FNBP1: variants seen among roughly 807,000 people sequenced by gnomAD.
FNBP1 encodes formin binding protein 1.
A neutral mutation model predicts 90.6 loss-of-function variants in FNBP1; 26 were observed. The ratio of observed to expected loss-of-function variants is 0.29; its 90% CI spans 0.21 to 0.40. The LOEUF (loss-of-function observed/expected upper bound fraction) is 0.40. Among genes scored for constraint, FNBP1 ranks in the 10% least tolerant of loss-of-function variants. The pLI, the probability that FNBP1 is intolerant of heterozygous loss-of-function variation, is 1.00. For missense variants in FNBP1, 635 were observed against 768.0 expected (o/e 0.83, Z 2.05); for synonymous variants, 260 against 265.2 (o/e 0.98, Z 0.19).
Position 129,890,610 on chromosome 9 carries a change from C to T in FNBP1, c.1847-64G>A, listed in dbSNP as rs1191145032. ...TAGAGAGGAAGGCGCGGGTTCCAGG[C>T]GGGCATTTTGCTCTTGGCTACAAAC... On this transcript the variant is annotated intron_variant, in intron 16 of 16. Coordinates refer to ENST00000446176, the MANE Select transcript of FNBP1 (RefSeq NM_015033.3). The surrounding 1 kb of genome is among the most constrained non-coding windows in gnomAD (Gnocchi z 5.8). 5.8e-6 allele frequency: 7 copies of T among 1,209,142 alleles called. No homozygotes were observed. Among genetic ancestry groups the T allele is most frequent in the Admixed American group, 2.4e-5 (1 of 41,680 alleles). 74.9% of individuals were successfully genotyped at this position (1,209,142 alleles called of 1,614,324 possible). A position where few individuals can be genotyped will look rare whatever the true frequency, so the allele number is the denominator to read the frequency against.
At chr9:129,972,410 C>T (rs1564470281) in intron 4 of FNBP1, among the ~76,000 whole-genome samples, 1 of 151,978 alleles carries the variant, frequency 6.6e-6, no homozygotes, top group Admixed American at 6.6e-5. Context: ...CTGGGATTAC[C>T]ACTTCAAGTG....
At chr9:129,919,191 G>C in intron 10 of FNBP1, 1 of 1,303,524 alleles carries the variant, frequency 7.7e-7, no homozygotes, top group Non-Finnish European at 1.0e-6. Flanking sequence ...GCATACGTGG[G>C]TTTCCCTATC....
At chr9:129,961,997 AGG>A (rs1348473395) in intron 4 of FNBP1, among the ~76,000 whole-genome samples, 3 of 152,312 alleles carry the variant, frequency 2.0e-5, no homozygotes, top group African/African-American at 7.2e-5. Flanking sequence ...ACTGACATGC[AGG>A]GATCTCATGA....
chr9:129,967,408 T>A (rs2048784963), intron 4 of FNBP1, among the ~76,000 whole-genome samples: 1 of 151,942 alleles, frequency 6.6e-6, no homozygotes, highest in Non-Finnish European at 1.5e-5. Flanking sequence ...CCCAGCTACT[T>A]GGGAGGCTGA....
At chr9:130,023,158 C>T (rs1264450752) in intron 1 of FNBP1, among the ~76,000 whole-genome samples, 2 of 151,770 alleles carry the variant, frequency 1.3e-5, no homozygotes, top group African/African-American at 4.8e-5. Context: ...TGATAGCTCT[C>T]TGGAAGAATT....
intron 4 of FNBP1, among the ~76,000 whole-genome samples, chr9:129,968,395 CA>C (rs775896038): frequency 0.31 from 21,787 of 69,220 alleles, 1,377 homozygotes; most frequent in Middle Eastern, 0.39. Context: ...AACTCCGTCT[CA>C]AAAAAAAAAA....
the FNBP1 span, chr9:130,053,872 C>T: frequency 6.6e-7 from 1 of 1,512,890 alleles, no homozygotes; most frequent in Non-Finnish European, 8.9e-7. Context: ...CTTCCGGCGG[C>T]TGCGCCCTTT....
intron 10 of FNBP1, among the ~76,000 whole-genome samples, chr9:129,920,768 C>T (rs2131813570): frequency 6.6e-6 from 1 of 152,158 alleles, no homozygotes; most frequent in East Asian, 1.9e-4. Context: ...AAATGGTAAA[C>T]AATCATGAAT....
At chr9:130,050,814 G>A in the FNBP1 span, among the ~76,000 whole-genome samples, 9 of 37,204 alleles carry the variant, frequency 2.4e-4, no homozygotes, top group East Asian at 0.014. Flanking sequence ...TAATTTTTGT[G>A]TTTTTTTTTT....
chr9:129,970,756 C>T (rs2049326516), intron 4 of FNBP1, among the ~76,000 whole-genome samples: 2 of 152,166 alleles, frequency 1.3e-5, no homozygotes, highest in Non-Finnish European at 2.9e-5. Context: ...CCTCCTTGTC[C>T]AGGGCTTCCA....
At chr9:129,933,801 A>G (rs944293717) in intron 6 of FNBP1, among the ~76,000 whole-genome samples, 1 of 152,172 alleles carries the variant, frequency 6.6e-6, no homozygotes. Flanking sequence ...ATACTGTGAT[A>G]CATCAGATTC....
chr9:129,915,229 T>C (rs2040078575), intron 11 of FNBP1, among the ~76,000 whole-genome samples: 1 of 152,102 alleles, frequency 6.6e-6, no homozygotes, highest in East Asian at 1.9e-4. Flanking sequence ...GCTGGGATCA[T>C]TCCTGCACAG....
chr9:129,953,626 T>C (rs932041135), intron 6 of FNBP1, among the ~76,000 whole-genome samples: 3 of 151,856 alleles, frequency 2.0e-5, no homozygotes, highest in Admixed American at 6.6e-5. Context: ...AGGACAAATA[T>C]CTGGAAATGG....
At chr9:129,945,821 A>G (rs143382684) in intron 6 of FNBP1, among the ~76,000 whole-genome samples, 61 of 152,350 alleles carry the variant, frequency 4.0e-4, no homozygotes, top group Non-Finnish European at 7.9e-4. Flanking sequence ...ATTCCTATCT[A>G]TAACTTTCTT....
intron 7 of FNBP1, 37 bp downstream of exon 7, chr9:129,929,530 C>G: frequency 6.2e-7 from 1 of 1,602,064 alleles, no homozygotes; most frequent in South Asian, 1.1e-5. Context: ...GAAAGCAAAG[C>G]ATAAAACATG....
chr9:129,961,662 G>A (rs2132955033), intron 4 of FNBP1, among the ~76,000 whole-genome samples: 1 of 152,118 alleles, frequency 6.6e-6, no homozygotes, highest in South Asian at 2.1e-4. Context: ...CTGCCTCCCT[G>A]TGACCTCTGC....
In FNBP1 at chr9:129,888,150, C is replaced by T. The variant is rs1360846832; in HGVS notation, c.*2389G>A. On this transcript the variant is annotated 3_prime_UTR_variant, in exon 17 of 17. Coordinates refer to ENST00000446176, the MANE Select transcript of FNBP1 (RefSeq NM_015033.3). ...CGGGGGGATACAAGCATATCCTATA[C>T]TGGGGGTGACGGTCATTCAAAGAGC... The T allele has an allele frequency of 4.3e-6, 1 of 232,846 alleles. No homozygotes were observed. Among genetic ancestry groups the T allele is most frequent in the Admixed American group, 5.6e-5 (1 of 17,778 alleles). The allele number at this position is 232,846 out of a possible 1,614,324, so 14.4% of individuals were successfully genotyped here.
intron 11 of FNBP1, among the ~76,000 whole-genome samples, chr9:129,915,434 G>A (rs1424833961): frequency 1.3e-5 from 2 of 152,042 alleles, no homozygotes; most frequent in Non-Finnish European, 2.9e-5. Flanking sequence ...GTATAATCTC[G>A]GCTCACTGCA....
chr9:129,900,365 GA>G lies in FNBP1; in HGVS notation c.1550+60del, dbSNP rs1327820597. 1 of 1,444,842 alleles carries G rather than the reference GA, an allele frequency of 6.9e-7. No homozygotes were observed. Among genetic ancestry groups the G allele is most frequent in the Non-Finnish European group, 9.1e-7 (1 of 1,095,266 alleles). 89.5% of individuals were successfully genotyped at this position (1,444,842 alleles called of 1,614,324 possible). ...TGGTCATTCCAGATTCCAAAATTTA[GA>G]AATAAATACAAAGCCAACAGGCTCC... On this transcript the variant is annotated intron_variant, in intron 14 of 16. Coordinates refer to ENST00000446176, the MANE Select transcript of FNBP1 (RefSeq NM_015033.3). This position sits in a 1 kb window ranked among gnomAD's most constrained non-coding sequence, Gnocchi z 4.1.
Sources: gnomAD v4.1 joint callset for allele counts (sites outside exome capture counted in the v4.1 genomes callset) on GRCh38, gnomAD v4.1.1 for gene constraint, Gnocchi (gnomAD v3.1) non-coding constraint, MANE v1.5 for transcripts, NCBI Gene and HGNC (gene_info 2026-07-23, HGNC 2026-07-21) for gene names.